The following ARSH variants were observed in gnomAD, a reference collection of about 807,000 sequenced individuals.
ARSH encodes arylsulfatase family member H.
A neutral mutation model predicts 28.7 loss-of-function variants in ARSH; 32 were observed. That is an observed-to-expected ratio of 1.11 (90% CI 0.84 to 1.50). The LOEUF (loss-of-function observed/expected upper bound fraction) is 1.50. Among genes scored for constraint, ARSH ranks in the 40% most tolerant of loss-of-function variants. The probability of loss-of-function intolerance (pLI) is 0.00; values close to 1 mark genes in which losing one functional copy is unlikely to be tolerated. For missense variants in ARSH, 440 were observed against 452.4 expected (o/e 0.97, Z 0.25); for synonymous variants, 176 against 177.3 (o/e 0.99, Z 0.06).
At chrX:3,030,733 G>A (rs1480262122) in intron 8 of ARSH, among the ~76,000 whole-genome samples, 1 of 111,704 alleles carries the variant, frequency 9.0e-6, no homozygotes, top group East Asian at 2.8e-4. Context: ...CTTGACATAT[G>A]GGGATTATTA....
chrX:3,024,490 G>A (rs1320663226), intron 6 of ARSH, among the ~76,000 whole-genome samples: 1 of 110,555 alleles, frequency 9.0e-6, no homozygotes, highest in East Asian at 2.9e-4. Flanking sequence ...GTTGAACAGC[G>A]TCTGTGGGCT....
rs936787341 is a variant in ARSH, at chrX:3,014,953, T to A, written c.341-17T>A. On this transcript the variant is annotated splice_polypyrimidine_tract_variant and intron_variant, in intron 3 of 8. Transcript: ENST00000381130. ...ATGCTGCCATGCTGCCATGGTACGATTTTATTTTACTTTTAGGCAAATGGC... is the reference window on the plus strand; with the variant it reads ...ATGCTGCCATGCTGCCATGGTACGAATTTATTTTACTTTTAGGCAAATGGC... 8.3e-7 allele frequency: 1 copy of A among 1,198,989 alleles called. No homozygotes were observed. Among genetic ancestry groups the A allele is most frequent in the African/African-American group, 1.8e-5 (1 of 56,891 alleles).
At chrX:3,027,551 G>C in intron 7 of ARSH, 76 bp downstream of exon 7, 1 of 1,001,572 alleles carries the variant, frequency 1.0e-6, no homozygotes, top group Non-Finnish European at 1.4e-6. Flanking sequence ...AATTCTATGT[G>C]TGTGTGTATG....
chrX:3,018,805 A>G (rs1333802330), intron 5 of ARSH, 135 bp downstream of exon 5: 3 of 618,227 alleles, frequency 4.9e-6, no homozygotes, highest in Admixed American at 4.2e-5. Flanking sequence ...TCATCCCTTA[A>G]TTGGATTAAA....
intron 8 of ARSH, among the ~76,000 whole-genome samples, chrX:3,031,770 T>A (rs2089914568): frequency 8.9e-6 from 1 of 111,943 alleles, no homozygotes; most frequent in South Asian, 3.8e-4. Flanking sequence ...GAATTTTTTG[T>A]TATTATTTTT....
rs753906902 is a variant in ARSH at position 3,015,111 on chromosome X, G to T, written c.482G>T (p.Arg161Leu). The T allele has an allele frequency of 1.7e-6, 2 of 1,209,573 alleles. No homozygotes were observed. Among genetic ancestry groups the T allele is most frequent in the Non-Finnish European group, 2.2e-6 (2 of 894,448 alleles). Residue 161 changes from arginine (R) to leucine (L), a missense_variant, in exon 4 of 9, where the codon CGC (arginine) becomes CTC (leucine). By Grantham distance (102) the Arg-to-Leu change is moderately radical. Transcript: ENST00000381130. Reference protein sequence around the residue: ...CQASKTPELHRWLRIKLWIST... With the variant: ...CQASKTPELHLWLRIKLWIST... Reference sequence around the variant, plus strand: ...GCATCCAAGACACCAGAACTGCACCGCTGGCTCAGGATCAAACTGTGGATC... The same window carrying T: ...GCATCCAAGACACCAGAACTGCACCTCTGGCTCAGGATCAAACTGTGGATC...
intron 6 of ARSH, among the ~76,000 whole-genome samples, chrX:3,025,180 A>T (rs893888621): frequency 9.2e-6 from 1 of 108,215 alleles, no homozygotes; most frequent in Non-Finnish European, 1.9e-5. Flanking sequence ...TACACATAAC[A>T]CATATAATCC....
chrX:3,006,552 C>G lies in ARSH; in HGVS notation c.-61C>G. ...GTTTGCTTATTTCTAAAAATGCTTTCAGGAGCTGCTGGCTGTCAGTGTCCC... is the reference window on the plus strand; with the variant it reads ...GTTTGCTTATTTCTAAAAATGCTTTGAGGAGCTGCTGGCTGTCAGTGTCCC... On this transcript the variant is annotated 5_prime_UTR_variant, in exon 1 of 9. Coordinates refer to ENST00000381130, the MANE Select transcript of ARSH (RefSeq NM_001011719.2). 5.1e-6 allele frequency: 5 copies of G among 988,442 alleles called. No individual in the cohort carries two copies. In the South Asian group the frequency reaches 1.0e-4, roughly 20 times the overall value. 81.5% of individuals were successfully genotyped at this position (988,442 alleles called of 1,213,427 possible). A position where few individuals can be genotyped will look rare whatever the true frequency, so the allele number is the denominator to read the frequency against.
chrX:3,028,673 A>C (rs143432506), intron 7 of ARSH, among the ~76,000 whole-genome samples: 1,287 of 112,094 alleles, frequency 0.011, 16 homozygotes, highest in African/African-American at 0.04. Flanking sequence ...ATTGTCTTGC[A>C]AGGTATCAGG....
At chrX:3,017,255 T>G (rs1288105455) in intron 4 of ARSH, among the ~76,000 whole-genome samples, 1 of 111,527 alleles carries the variant, frequency 9.0e-6, no homozygotes, top group Non-Finnish European at 1.9e-5. Context: ...TTAGAATGAC[T>G]GCATGTGACA....
At chrX:3,024,294 A>AT in intron 6 of ARSH, 139 bp downstream of exon 6, 1 of 724,279 alleles carries the variant, frequency 1.4e-6, no homozygotes, top group Non-Finnish European at 1.8e-6. Flanking sequence ...GACCGAAAAA[A>AT]AAAAAAAGCT....
chrX:3,008,968 G>A (rs1475186938), intron 1 of ARSH, among the ~76,000 whole-genome samples: 1 of 110,711 alleles, frequency 9.0e-6, no homozygotes, highest in Non-Finnish European at 1.9e-5. Context: ...GAACAGGCAC[G>A]TCTTTTTTTT....
Position 3,018,597 on chromosome X carries a change from C to T in ARSH, c.828C>T (p.Ser276=). The T allele has an allele frequency of 8.3e-7, 1 of 1,210,584 alleles. No homozygotes were observed. The highest frequency in any genetic ancestry group is 1.1e-6 in the Non-Finnish European group (1 of 894,790). ...SFLHVHTPLI[S]KKKFVGRSKY... ...TGCACGTACATACTCCACTCATCTC[C>T]AAAAAGAAGTTTGTTGGGCGCAGTA... The change falls in exon 5 of 9, where the codon TCC becomes TCT. Residue 276 remains serine (S), a synonymous_variant. Coordinates refer to ENST00000381130, the MANE Select transcript of ARSH (RefSeq NM_001011719.2).
intron 4 of ARSH, 69 bp downstream of exon 4, chrX:3,015,462 A>G: frequency 9.8e-7 from 1 of 1,024,535 alleles, no homozygotes; most frequent in Admixed American, 2.9e-5. Context: ...AGGTCATCAC[A>G]CCTTGATAAC....
At chrX:3,025,848 G>C (rs1569125253) in intron 6 of ARSH, among the ~76,000 whole-genome samples, 1 of 110,400 alleles carries the variant, frequency 9.1e-6, no homozygotes, top group African/African-American at 3.3e-5. Context: ...AATTGCATGA[G>C]TATGTGTGAG....
chrX:3,013,101 G>A lies in ARSH; in HGVS notation c.269G>A (p.Gly90Asp). The change falls in exon 3 of 9, where the codon GGT (glycine) becomes GAT (aspartate). Residue 90 changes from glycine (G) to aspartate (D), a missense_variant. Coordinates refer to ENST00000381130, the MANE Select transcript of ARSH (RefSeq NM_001011719.2). ...GCCTTCACGTGGCTTGGTGGGTCAG[G>A]TGGTCTTCCCACCAATGAAACGACT... ...NRAFTWLGGS[G>D]GLPTNETTFA... 8.3e-7 allele frequency: 1 copy of A among 1,211,026 alleles called. No homozygotes were observed. The highest frequency in any genetic ancestry group is 1.8e-5 in the South Asian group (1 of 56,930).
At chrX:3,032,327 T>C (rs1417667203) in intron 8 of ARSH, among the ~76,000 whole-genome samples, 1 of 107,537 alleles carries the variant, frequency 9.3e-6, no homozygotes, top group African/African-American at 3.4e-5. Flanking sequence ...AAAATAAAAT[T>C]GATCTCTGAA....
At position 3,032,405 on chromosome X, in the gene ARSH, G is replaced by A. The variant is rs536977060; in HGVS notation, c.1322-613G>A. The stretch of plus-strand genomic sequence containing the variant: ...GAAGGGAGGGAGGGAGGAAGGAAAG[G>A]AAGGAAGGAAAGGAAGGAAGGAAGG... On this transcript the variant is annotated intron_variant, in intron 8 of 8. Coordinates refer to ENST00000381130, the MANE Select transcript of ARSH (RefSeq NM_001011719.2). Among the ~76,000 whole-genome samples, 10 of 81,701 alleles carry A rather than the reference G, an allele frequency of 1.2e-4. No homozygotes were observed. The South Asian group carries it at 4.8e-3, about 39-fold the overall frequency. The allele number at this position is 81,701 out of a possible 115,157, so 70.9% of individuals were successfully genotyped here.
At chrX:3,030,674 G>T (rs1378229678) in intron 8 of ARSH, among the ~76,000 whole-genome samples, 2 of 111,886 alleles carry the variant, frequency 1.8e-5, no homozygotes, top group East Asian at 5.6e-4. Flanking sequence ...CATGGGAACA[G>T]TATGGCAGAA....
Sources: gnomAD v4.1 joint callset for allele counts (sites outside exome capture counted in the v4.1 genomes callset) on GRCh38, gnomAD v4.1.1 for gene constraint, MANE v1.5 for transcripts, NCBI Gene and HGNC (gene_info 2026-07-23, HGNC 2026-07-21) for gene names.